The following PEX5L variants were observed in gnomAD, a reference collection of about 807,000 sequenced individuals.
The protein encoded by PEX5L is PEX5-related protein.
A neutral mutation model predicts 84.0 loss-of-function variants in PEX5L; 30 were observed. The observed-to-expected ratio is 0.36, with a 90% CI of 0.27 to 0.48. The LOEUF (loss-of-function observed/expected upper bound fraction) is 0.48, where lower values mean the gene tolerates loss of function less well. Among genes scored for constraint, PEX5L ranks in the 20% least tolerant of loss-of-function variants. The probability of loss-of-function intolerance (pLI) is 0.99; values close to 1 mark genes in which losing one functional copy is unlikely to be tolerated. For synonymous variants in PEX5L, 270 were observed against 283.1 expected, an observed-to-expected ratio of 0.95 and a Z score of 0.46; for missense variants, 533 against 754.6, an observed-to-expected ratio of 0.71 and a Z score of 3.44.
chr3:179,962,118 G>T (rs1292972956), intron 2 of PEX5L, among the ~76,000 whole-genome samples: 1 of 152,216 alleles, frequency 6.6e-6, no homozygotes, highest in Admixed American at 6.5e-5. Context: ...GAAGAGTTAG[G>T]AGGTATCTAA....
intron 7 of PEX5L, among the ~76,000 whole-genome samples, chr3:179,870,449 G>C (rs896549544): frequency 2.9e-5 from 4 of 140,270 alleles, no homozygotes; most frequent in Non-Finnish European, 4.7e-5. Context: ...CAAACTCCTC[G>C]GGGAGATGGA....
chr3:179,919,009 G>C (rs1768274882), intron 2 of PEX5L, among the ~76,000 whole-genome samples: 1 of 152,178 alleles, frequency 6.6e-6, no homozygotes, highest in Non-Finnish European at 1.5e-5. Flanking sequence ...TGTGGATTTG[G>C]AAGAACATTC....
At chr3:179,822,574 T>C (rs1350997084) in intron 8 of PEX5L, among the ~76,000 whole-genome samples, 4 of 152,246 alleles carry the variant, frequency 2.6e-5, no homozygotes, top group Non-Finnish European at 4.4e-5. Flanking sequence ...CCAGACTTCA[T>C]TCACGTAGCT....
At position 180,036,621 on chromosome 3, in the gene PEX5L, C is replaced by T; in HGVS notation, c.-22G>A. On this transcript the variant is annotated 5_prime_UTR_variant, in exon 1 of 15. Transcript: ENST00000467460. ...ACATTCTGCTTCGGTTTCTTCAGGG[C>T]TCCCTGAGGCCACCGGATGCTTTTC... 1 of 1,613,404 alleles carries T rather than the reference C, an allele frequency of 6.2e-7. No individual in the cohort carries two copies. The highest frequency in any genetic ancestry group is 1.1e-5 in the South Asian group (1 of 91,066).
At chr3:179,997,459 A>G (rs1287199508) in intron 1 of PEX5L, among the ~76,000 whole-genome samples, 2 of 152,130 alleles carry the variant, frequency 1.3e-5, no homozygotes, top group African/African-American at 4.8e-5. Context: ...CCTGATTGGT[A>G]AGGTGAGGGC....
Position 179,798,118 on chromosome 3 carries a change from T to C in PEX5L, c.*3710A>G, listed in dbSNP as rs1023908856. The C allele has an allele frequency of 1.3e-5, 2 of 152,232 alleles. No individual in the cohort carries two copies. Among genetic ancestry groups the C allele is most frequent in the Non-Finnish European group, 1.5e-5 (1 of 68,040 alleles). The allele number at this position is 152,232 out of a possible 1,614,324, so 9.4% of individuals were successfully genotyped here. ...AGAAATATTTATCTATACAAGTATT[T>C]AGACATGGGTCCCACGTTCAATATA... is the stretch of plus-strand genomic sequence containing the variant. On this transcript the variant is annotated 3_prime_UTR_variant, in exon 15 of 15. Transcript: ENST00000467460.
At chr3:179,861,237 G>A (rs1746015792) in intron 7 of PEX5L, among the ~76,000 whole-genome samples, 2 of 152,210 alleles carry the variant, frequency 1.3e-5, no homozygotes, top group Admixed American at 6.5e-5. Context: ...ATGAATAGAT[G>A]CGTGAATGAA....
chr3:180,015,261 C>T lies in PEX5L; in HGVS notation c.21+21318G>A, dbSNP rs141446605. On this transcript the variant is annotated intron_variant, in intron 1 of 14. Coordinates refer to ENST00000467460, the MANE Select transcript of PEX5L (RefSeq NM_016559.3). ...TAACATTTGATGAATGTTTAAAACA[C>T]ATTTTTTAAATAATATTGTATACAA... Among the ~76,000 whole-genome samples the T allele has an allele frequency of 6.6e-4, 101 of 152,290 alleles. 2 individuals are homozygous for T. The Middle Eastern group carries it at 0.044, about 67-fold the overall frequency.
intron 7 of PEX5L, among the ~76,000 whole-genome samples, chr3:179,864,663 G>A (rs1329060086): frequency 6.6e-6 from 1 of 151,908 alleles, no homozygotes; most frequent in African/African-American, 2.4e-5. Flanking sequence ...TTTGAAACTC[G>A]GTAAGAAATT....
At chr3:179,857,394 T>C (rs1389031845) in intron 8 of PEX5L, among the ~76,000 whole-genome samples, 2 of 152,208 alleles carry the variant, frequency 1.3e-5, no homozygotes, top group East Asian at 1.9e-4. Flanking sequence ...CTGTCCAAAA[T>C]GGAAATGGAT....
At chr3:179,902,930 T>C (rs1444479917) in intron 2 of PEX5L, among the ~76,000 whole-genome samples, 1 of 152,150 alleles carries the variant, frequency 6.6e-6, no homozygotes, top group Non-Finnish European at 1.5e-5. Flanking sequence ...TTATCTAACA[T>C]ATGAATTTTC....
intron 2 of PEX5L, among the ~76,000 whole-genome samples, chr3:179,962,415 T>C (rs188187103): frequency 3.1e-4 from 47 of 152,346 alleles, no homozygotes; most frequent in Admixed American, 2.4e-3. Flanking sequence ...CAAGACTTGC[T>C]TAACTTATTT....
chr3:180,017,122 C>T (rs868103962), intron 1 of PEX5L, among the ~76,000 whole-genome samples: 1 of 152,126 alleles, frequency 6.6e-6, no homozygotes, highest in Non-Finnish European at 1.5e-5. Context: ...GATCTGTTTA[C>T]AGATTTGAGT....
chr3:179,940,830 A>C (rs1775888920), intron 2 of PEX5L, among the ~76,000 whole-genome samples: 1 of 152,266 alleles, frequency 6.6e-6, no homozygotes, highest in Non-Finnish European at 1.5e-5. Context: ...TTAGTCCAAA[A>C]TAAGGATCTT....
At chr3:179,808,194 A>G in intron 13 of PEX5L, 78 bp downstream of exon 13, 1 of 1,189,778 alleles carries the variant, frequency 8.4e-7, no homozygotes, top group South Asian at 1.9e-5. Flanking sequence ...GTGCAGAAGA[A>G]ATGTAGACGG....
chr3:179,802,645 G>A (rs181254373), intron 14 of PEX5L, among the ~76,000 whole-genome samples: 107 of 151,998 alleles, frequency 7.0e-4, no homozygotes, highest in African/African-American at 2.2e-3. Flanking sequence ...TAATGCATTC[G>A]ATTTTCCTCT....
chr3:179,961,328 A>G (rs1338940497), intron 2 of PEX5L, among the ~76,000 whole-genome samples: 2 of 149,002 alleles, frequency 1.3e-5, no homozygotes, highest in Admixed American at 6.8e-5. Flanking sequence ...AGAATTCTAG[A>G]GTTGTTTTGG....
intron 2 of PEX5L, among the ~76,000 whole-genome samples, chr3:179,947,636 C>A (rs917584369): frequency 1.3e-5 from 2 of 151,358 alleles, no homozygotes; most frequent in Admixed American, 1.3e-4. Context: ...AAGTAAATAG[C>A]ATTTTTTTAA....
chr3:179,994,708 T>C (rs376283009), intron 1 of PEX5L, among the ~76,000 whole-genome samples: 2 of 152,064 alleles, frequency 1.3e-5, no homozygotes, highest in Admixed American at 1.3e-4. Context: ...GAGATTAACA[T>C]GTGAGTCAGT....
Sources: gnomAD v4.1 joint callset for allele counts (sites outside exome capture counted in the v4.1 genomes callset) on GRCh38, gnomAD v4.1.1 for gene constraint, MANE v1.5 for transcripts, NCBI Gene and HGNC (gene_info 2026-07-23, HGNC 2026-07-21) for gene names.